Variants in RAB30 observed in about 807,000 individuals in gnomAD.
The protein encoded by RAB30 is RAB30, member RAS oncogene family.
RAB30 carries 9 observed loss-of-function variants against 25.1 expected under a neutral mutation model. The observed-to-expected ratio is 0.36, with a 90% CI of 0.22 to 0.63. RAB30 has a LOEUF of 0.63. RAB30 is among the 20% of genes least tolerant of loss of function. The pLI is 0.69. For synonymous variants in RAB30, 77 were observed against 86.4 expected, an observed-to-expected ratio of 0.89 and a Z score of 0.60; for missense variants, 140 against 243.5, an observed-to-expected ratio of 0.58 and a Z score of 2.83.
At chr11:83,053,450 A>T (rs1858397005) in intron 1 of RAB30, among the ~76,000 whole-genome samples, 1 of 152,146 alleles carries the variant, frequency 6.6e-6, no homozygotes, top group Non-Finnish European at 1.5e-5. Flanking sequence ...ATCCTTAGTA[A>T]CTCAGCGGTA....
intron 1 of RAB30, among the ~76,000 whole-genome samples, chr11:83,061,364 G>A (rs1590881542): frequency 6.6e-6 from 1 of 152,152 alleles, no homozygotes; most frequent in Non-Finnish European, 1.5e-5. Flanking sequence ...ACTGTATTGG[G>A]TAAGTAGTCT....
At chr11:83,050,715 T>C (rs1858338980) in intron 1 of RAB30, among the ~76,000 whole-genome samples, 1 of 152,188 alleles carries the variant, frequency 6.6e-6, no homozygotes, top group Admixed American at 6.5e-5. Context: ...CTAGGATGCA[T>C]TTTATAATGG....
At chr11:82,994,498 C>G (rs1357676125) in intron 2 of RAB30, among the ~76,000 whole-genome samples, 1 of 152,022 alleles carries the variant, frequency 6.6e-6, no homozygotes, top group Non-Finnish European at 1.5e-5. Flanking sequence ...GGGATGAGAT[C>G]AGAATTGGAA....
chr11:83,068,710 C>G (rs1026203293), intron 1 of RAB30, among the ~76,000 whole-genome samples: 2 of 152,172 alleles, frequency 1.3e-5, no homozygotes. Flanking sequence ...ACATGAAGTT[C>G]CCTCTGCCAG....
chr11:82,974,237 CG>C lies in RAB30; in HGVS notation c.*7927del, dbSNP rs1170738356. 6.6e-6 allele frequency: 1 copy of C among 151,980 alleles called. No individual in the cohort carries two copies. The highest frequency in any genetic ancestry group is 1.5e-5 in the Non-Finnish European group (1 of 67,974). 9.4% of individuals were successfully genotyped at this position (151,980 alleles called of 1,614,324 possible). ...AAGTTTACACCTTAATAGGATAAAC[CG>C]TATGGTGCATGAATGATATCTTAAT... On this transcript the variant is annotated 3_prime_UTR_variant, in exon 5 of 5. Coordinates refer to ENST00000527633, the MANE Select transcript of RAB30 (RefSeq NM_001286060.2).
chr11:83,002,832 A>G (rs1211592917), intron 1 of RAB30, among the ~76,000 whole-genome samples: 1 of 152,192 alleles, frequency 6.6e-6, no homozygotes, highest in Non-Finnish European at 1.5e-5. Flanking sequence ...GCCTGTATTC[A>G]CTGTTGCACA....
intron 1 of RAB30, among the ~76,000 whole-genome samples, chr11:83,054,089 G>GTAAATAAA (rs144019983): frequency 1.3e-5 from 2 of 151,978 alleles, no homozygotes; most frequent in African/African-American, 4.8e-5. Context: ...GGGAGACTCT[G>GTAAATAAA]TAAATAAATA....
At chr11:82,992,254 C>T (rs769740485) in intron 3 of RAB30, 1 of 455,192 alleles carries the variant, frequency 2.2e-6, no homozygotes, top group Non-Finnish European at 4.4e-6. Flanking sequence ...CTAGCTCCTT[C>T]TTCCCACCCC....
intron 1 of RAB30, among the ~76,000 whole-genome samples, chr11:83,006,445 A>G (rs1857187161): frequency 6.6e-6 from 1 of 152,226 alleles, no homozygotes; most frequent in Admixed American, 6.5e-5. Context: ...TGTTTACAGT[A>G]TGAAGAAAGG....
intron 1 of RAB30, among the ~76,000 whole-genome samples, chr11:83,059,417 G>C (rs1265643696): frequency 6.6e-6 from 1 of 152,038 alleles, no homozygotes; most frequent in East Asian, 1.9e-4. Context: ...GTTTTCCCTT[G>C]TGTATACATA....
intron 1 of RAB30, among the ~76,000 whole-genome samples, chr11:83,069,174 C>A (rs1291461001): frequency 1.3e-5 from 2 of 152,102 alleles, no homozygotes; most frequent in Admixed American, 1.3e-4. Flanking sequence ...GTGATGAGGC[C>A]AAATCTAACA....
intron 1 of RAB30, among the ~76,000 whole-genome samples, chr11:83,022,455 G>T (rs1857603681): frequency 6.6e-6 from 1 of 152,048 alleles, no homozygotes; most frequent in African/African-American, 2.4e-5. Flanking sequence ...CACCGCACTT[G>T]GTCCAAAGAG....
At chr11:83,062,076 T>A (rs1349086735) in intron 1 of RAB30, among the ~76,000 whole-genome samples, 1 of 152,056 alleles carries the variant, frequency 6.6e-6, no homozygotes, top group Non-Finnish European at 1.5e-5. Flanking sequence ...AAGCTTATAT[T>A]TTCAATCAGA....
chr11:83,053,884 G>A (rs1858404790), intron 1 of RAB30, among the ~76,000 whole-genome samples: 1 of 152,196 alleles, frequency 6.6e-6, no homozygotes, highest in South Asian at 2.1e-4. Context: ...GAGGTCAGGA[G>A]CCTGAGATCA....
At chr11:83,028,306 T>C (rs1857773673) in intron 1 of RAB30, among the ~76,000 whole-genome samples, 2 of 151,758 alleles carry the variant, frequency 1.3e-5, no homozygotes, top group African/African-American at 4.8e-5. Context: ...AAGACAAAGA[T>C]ATGGAAACAG....
At chr11:83,059,016 C>T (rs997106041) in intron 1 of RAB30, among the ~76,000 whole-genome samples, 4 of 152,248 alleles carry the variant, frequency 2.6e-5, no homozygotes, top group African/African-American at 9.6e-5. Flanking sequence ...GATCTTGGCT[C>T]ACTGCAACCT....
chr11:83,005,473 T>C (rs758544915), intron 1 of RAB30, among the ~76,000 whole-genome samples: 96 of 152,310 alleles, frequency 6.3e-4, no homozygotes, highest in Middle Eastern at 3.4e-3. Context: ...TTCAGAGAGA[T>C]TAATTAGTTC....
intron 3 of RAB30, among the ~76,000 whole-genome samples, chr11:82,992,911 C>T (rs545742570): frequency 6.6e-6 from 1 of 152,244 alleles, no homozygotes; most frequent in South Asian, 2.1e-4. Flanking sequence ...CATGACCAGA[C>T]AATTTTTTAT....
chr11:83,061,608 GT>G (rs1229539566), intron 1 of RAB30, among the ~76,000 whole-genome samples: 2 of 151,340 alleles, frequency 1.3e-5, no homozygotes, highest in African/African-American at 4.9e-5. Context: ...ACGTGTGTGT[GT>G]ATGTGTGTAA....
Sources: gnomAD v4.1 joint callset for allele counts (sites outside exome capture counted in the v4.1 genomes callset) on GRCh38, gnomAD v4.1.1 for gene constraint, MANE v1.5 for transcripts, NCBI Gene and HGNC (gene_info 2026-07-23, HGNC 2026-07-21) for gene names.